PRR16: variants seen among roughly 807,000 people sequenced by gnomAD.
PRR16 encodes protein Largen.
PRR16 carries 6 observed loss-of-function variants against 18.2 expected under a neutral mutation model. The ratio of observed to expected loss-of-function variants is 0.33; its 90% CI spans 0.18 to 0.65. PRR16 has a LOEUF of 0.65. PRR16 is among the 30% of genes least tolerant of loss of function. The pLI, the probability that PRR16 is intolerant of heterozygous loss-of-function variation, is 0.74. For synonymous variants in PRR16, 151 were observed against 147.8 expected, an observed-to-expected ratio of 1.02 and a Z score of -0.16; for missense variants, 412 against 376.6, an observed-to-expected ratio of 1.09 and a Z score of -0.78.
At chr5:120,639,996 T>C (rs946738652) in intron 1 of PRR16, among the ~76,000 whole-genome samples, 1 of 151,978 alleles carries the variant, frequency 6.6e-6, no homozygotes, top group African/African-American at 2.4e-5. Context: ...TGCAGCAACA[T>C]AGATGCACCT....
chr5:120,595,786 T>C (rs539216879), intron 1 of PRR16, among the ~76,000 whole-genome samples: 2 of 152,010 alleles, frequency 1.3e-5, no homozygotes, highest in African/African-American at 4.8e-5. Context: ...ACACACCTTT[T>C]TCATGTAAAT....
chr5:120,559,393 T>A (rs1166631683), intron 1 of PRR16, among the ~76,000 whole-genome samples: 1 of 151,858 alleles, frequency 6.6e-6, no homozygotes, highest in African/African-American at 2.4e-5. Flanking sequence ...GTACCACTTA[T>A]TGAAGATTTA....
intron 1 of PRR16, among the ~76,000 whole-genome samples, chr5:120,635,134 A>G (rs933307898): frequency 6.6e-6 from 1 of 152,142 alleles, no homozygotes; most frequent in Non-Finnish European, 1.5e-5. Flanking sequence ...AAAATTTGCC[A>G]ACAAATAAAA....
chr5:120,521,915 T>C (rs991548552), intron 1 of PRR16, among the ~76,000 whole-genome samples: 7 of 152,274 alleles, frequency 4.6e-5, no homozygotes, highest in African/African-American at 1.7e-4. Context: ...AGTGAGAACA[T>C]GTGGTGTTTG....
intron 1 of PRR16, among the ~76,000 whole-genome samples, chr5:120,644,045 T>A (rs538567788): frequency 3.9e-5 from 6 of 152,148 alleles, no homozygotes; most frequent in Admixed American, 3.9e-4. Flanking sequence ...GCCCTTTAGA[T>A]GAGGACGTAG....
At chr5:120,650,377 T>C (rs1049913147) in intron 1 of PRR16, among the ~76,000 whole-genome samples, 3 of 151,776 alleles carry the variant, frequency 2.0e-5, no homozygotes, top group African/African-American at 7.3e-5. Flanking sequence ...GTGCACAACA[T>C]GCAGGTTTGT....
At chr5:120,648,452 C>T (rs1239362998) in intron 1 of PRR16, among the ~76,000 whole-genome samples, 5 of 152,184 alleles carry the variant, frequency 3.3e-5, no homozygotes. Context: ...GTATGCTTCC[C>T]TGCCTTCCCT....
intron 1 of PRR16, among the ~76,000 whole-genome samples, chr5:120,587,119 T>C (rs1186787385): frequency 6.6e-6 from 1 of 152,178 alleles, no homozygotes; most frequent in Non-Finnish European, 1.5e-5. Flanking sequence ...TTCAATTCTG[T>C]GAAGGCTGAG....
the PRR16 span, among the ~76,000 whole-genome samples, chr5:120,772,996 A>G: frequency 6.6e-6 from 1 of 152,134 alleles, no homozygotes; most frequent in African/African-American, 2.4e-5. Flanking sequence ...TGGAAGAACA[A>G]TAGTCTTGAG....
At chr5:120,550,921 A>G (rs762956389) in intron 1 of PRR16, among the ~76,000 whole-genome samples, 1 of 152,006 alleles carries the variant, frequency 6.6e-6, no homozygotes, top group Non-Finnish European at 1.5e-5. Flanking sequence ...TATACCTGAC[A>G]AAAAATTGTA....
intron 1 of PRR16, among the ~76,000 whole-genome samples, chr5:120,650,101 G>C (rs10054324): frequency 0.49 from 74,239 of 151,298 alleles, 19,255 homozygotes; most frequent in East Asian, 0.92. Context: ...GTCTGTAGTG[G>C]CAGCTACTCA....
chr5:120,645,163 T>C (rs1257475668), intron 1 of PRR16, among the ~76,000 whole-genome samples: 1 of 152,116 alleles, frequency 6.6e-6, no homozygotes, highest in African/African-American at 2.4e-5. Flanking sequence ...CTTTATTTAC[T>C]AAACCAGTAA....
intron 1 of PRR16, among the ~76,000 whole-genome samples, chr5:120,540,200 T>G (rs1374990069): frequency 6.6e-6 from 1 of 152,188 alleles, no homozygotes; most frequent in Non-Finnish European, 1.5e-5. Flanking sequence ...CATTTTTTTG[T>G]TCTTGGAGAG....
the PRR16 span, among the ~76,000 whole-genome samples, chr5:120,697,532 C>T: frequency 1.3e-5 from 2 of 152,132 alleles, no homozygotes; most frequent in African/African-American, 4.8e-5. Flanking sequence ...TGGTTATGTT[C>T]AGCATTTACA....
chr5:120,723,714 T>G, the PRR16 span, among the ~76,000 whole-genome samples: 2 of 152,008 alleles, frequency 1.3e-5, no homozygotes, highest in African/African-American at 2.4e-5. Flanking sequence ...TTCCTGTGCT[T>G]TTGAATTGCC....
At chr5:120,744,969 T>G in the PRR16 span, among the ~76,000 whole-genome samples, 1 of 152,174 alleles carries the variant, frequency 6.6e-6, no homozygotes, top group Non-Finnish European at 1.5e-5. Context: ...TGCCAGAAGA[T>G]CTTCAGGTTT....
chr5:120,481,280 G>A (rs560525402), intron 1 of PRR16: 120 of 453,096 alleles, frequency 2.6e-4, no homozygotes, highest in African/African-American at 1.4e-3. Context: ...GCCTCAGTGC[G>A]CCACTACGCC....
intron 1 of PRR16, among the ~76,000 whole-genome samples, chr5:120,471,557 A>G (rs886461822): frequency 2.0e-5 from 3 of 152,104 alleles, no homozygotes; most frequent in African/African-American, 7.2e-5. Context: ...ATGATGTCAT[A>G]TGTATATATT....
rs58380780 is a variant in PRR16 at position 120,676,541 on chromosome 5, T to C, written c.160-9413T>C. Among the ~76,000 whole-genome samples, 35 of 116,966 alleles carry C rather than the reference T, an allele frequency of 3.0e-4. 1 individual carries two copies. Among genetic ancestry groups the C allele is most frequent in the Admixed American group, 2.9e-3 (33 of 11,340 alleles). 76.7% of individuals were successfully genotyped at this position (116,966 alleles called of 152,430 possible). A position where few individuals can be genotyped will look rare whatever the true frequency, so the allele number is the denominator to read the frequency against. On this transcript the variant is annotated intron_variant, in intron 1 of 1. Coordinates refer to ENST00000407149, the MANE Select transcript of PRR16 (RefSeq NM_001300783.2). The stretch of plus-strand genomic sequence containing the variant: ...ATATATATGTGTGTGTGTGTGTGTG[T>C]GTGTGTGCGTGTGTATATATGTATG...
Sources: gnomAD v4.1 joint callset for allele counts (sites outside exome capture counted in the v4.1 genomes callset) on GRCh38, gnomAD v4.1.1 for gene constraint, MANE v1.5 for transcripts, NCBI Gene and HGNC (gene_info 2026-07-23, HGNC 2026-07-21) for gene names.